MARCHF3: variants seen among roughly 807,000 people sequenced by gnomAD.
The protein encoded by MARCHF3 is E3 ubiquitin-protein ligase MARCHF3.
A neutral mutation model predicts 24.2 loss-of-function variants in MARCHF3; 13 were observed. The ratio of observed to expected loss-of-function variants is 0.54; its 90% CI spans 0.35 to 0.85. The LOEUF (loss-of-function observed/expected upper bound fraction) is 0.85, where lower values mean the gene tolerates loss of function less well. Ranked by LOEUF, MARCHF3 falls within the 40% of genes least tolerant of loss-of-function variation. The probability of loss-of-function intolerance (pLI) is 0.01; values close to 1 mark genes in which losing one functional copy is unlikely to be tolerated. For missense variants in MARCHF3, 276 were observed against 325.0 expected (o/e 0.85, Z 1.16); for synonymous variants, 144 against 137.3 (o/e 1.05, Z -0.34).
Position 126,917,977 on chromosome 5 carries a change from GTACT to G in MARCHF3, c.188+3_188+6del. 1 of 1,611,446 alleles carries G rather than the reference GTACT, an allele frequency of 6.2e-7. No homozygotes were observed. Among genetic ancestry groups the G allele is most frequent in the South Asian group, 1.1e-5 (1 of 90,674 alleles). ...TACAGATTCATTTATTTTAATTGTG[GTACT>G]ACCTCTGGGTGGCAAGAGTCCGCAC... On this transcript the variant is annotated splice_donor_5th_base_variant and intron_variant, in intron 2 of 4. Coordinates refer to ENST00000308660, the MANE Select transcript of MARCHF3 (RefSeq NM_178450.5).
rs181495350 is a variant in MARCHF3, at chr5:126,996,370, G to A, written c.-57+33980C>T. Among the ~76,000 whole-genome samples, 55 of 152,298 alleles carry A rather than the reference G, an allele frequency of 3.6e-4. 1 individual carries two copies. The highest frequency in any genetic ancestry group is 1.3e-3 in the African/African-American group (55 of 41,556). The stretch of plus-strand genomic sequence containing the variant: ...AAAAATGTTAGTAGATAGTGGGCAA[G>A]AGATCCAGATGCAAATAGGTTGGTG... On this transcript the variant is annotated intron_variant, in intron 1 of 4. Transcript: ENST00000308660.
At chr5:126,871,112 G>A (rs974484378) in intron 4 of MARCHF3, among the ~76,000 whole-genome samples, 3 of 152,182 alleles carry the variant, frequency 2.0e-5, no homozygotes, top group African/African-American at 7.2e-5. Flanking sequence ...GACTAGTGGT[G>A]GATACAATGC....
intron 3 of MARCHF3, among the ~76,000 whole-genome samples, chr5:126,878,973 T>C (rs1337579052): frequency 6.6e-6 from 1 of 152,228 alleles, no homozygotes; most frequent in Non-Finnish European, 1.5e-5. Context: ...GCCAACAATG[T>C]GATTTATGGT....
At chr5:126,914,270 A>T (rs1402247321) in intron 3 of MARCHF3, among the ~76,000 whole-genome samples, 1 of 152,130 alleles carries the variant, frequency 6.6e-6, no homozygotes, top group Non-Finnish European at 1.5e-5. Context: ...GACATGAGCC[A>T]CCGCGCCCAG....
At chr5:126,954,199 A>ATTTTTTTTTTTT (rs750262766) in intron 1 of MARCHF3, among the ~76,000 whole-genome samples, 7 of 114,082 alleles carry the variant, frequency 6.1e-5, no homozygotes, top group Non-Finnish European at 8.7e-5. Context: ...CGCCCGGCTA[A>ATTTTTTTTTTTT]TTTTTTTTTT....
intron 1 of MARCHF3, among the ~76,000 whole-genome samples, chr5:127,027,814 T>C (rs771635806): frequency 6.6e-6 from 1 of 152,248 alleles, no homozygotes; most frequent in Admixed American, 6.5e-5. Context: ...TTCTTTTATG[T>C]CATTAACACA....
At chr5:127,027,585 C>A (rs537695624) in intron 1 of MARCHF3, among the ~76,000 whole-genome samples, 187 of 152,262 alleles carry the variant, frequency 1.2e-3, no homozygotes, top group African/African-American at 4.1e-3. Context: ...GTCTTAAATT[C>A]ATCAGGTCTT....
intron 1 of MARCHF3, among the ~76,000 whole-genome samples, chr5:126,996,134 C>T (rs914679608): frequency 2.0e-5 from 3 of 152,162 alleles, no homozygotes; most frequent in African/African-American, 7.2e-5. Flanking sequence ...ATTTCAATGT[C>T]TTCAGGCCTC....
intron 1 of MARCHF3, among the ~76,000 whole-genome samples, chr5:126,934,172 C>CTTAT (rs1249514386): frequency 9.9e-5 from 15 of 152,268 alleles, no homozygotes; most frequent in African/African-American, 3.1e-4. Context: ...CTACTTTCTT[C>CTTAT]TTATTTATTT....
chr5:126,968,538 G>T (rs1175519845), intron 1 of MARCHF3, among the ~76,000 whole-genome samples: 2 of 152,102 alleles, frequency 1.3e-5, no homozygotes, highest in Non-Finnish European at 2.9e-5. Flanking sequence ...ACCTTCTTTG[G>T]AGAAATGCCT....
At chr5:126,983,842 T>C (rs1751475126) in intron 1 of MARCHF3, among the ~76,000 whole-genome samples, 1 of 152,226 alleles carries the variant, frequency 6.6e-6, no homozygotes, top group East Asian at 1.9e-4. Flanking sequence ...TCTGTGTTCC[T>C]CTATCTTTTT....
chr5:126,965,623 GAGA>G (rs1470622002), intron 1 of MARCHF3, among the ~76,000 whole-genome samples: 3 of 152,140 alleles, frequency 2.0e-5, no homozygotes, highest in African/African-American at 4.8e-5. Flanking sequence ...AAACATATGG[GAGA>G]AGGTTTACCT....
intron 1 of MARCHF3, among the ~76,000 whole-genome samples, chr5:126,992,085 CG>C (rs1193414926): frequency 6.6e-6 from 1 of 152,124 alleles, no homozygotes; most frequent in African/African-American, 2.4e-5. Context: ...AGTGAACAGT[CG>C]CCCCAGGATA....
chr5:126,953,599 T>A (rs948415214), intron 1 of MARCHF3, among the ~76,000 whole-genome samples: 1 of 152,248 alleles, frequency 6.6e-6, no homozygotes, highest in Non-Finnish European at 1.5e-5. Flanking sequence ...CATATTGCTA[T>A]ACAATATGGA....
At chr5:126,901,770 A>G (rs1354221919) in intron 3 of MARCHF3, among the ~76,000 whole-genome samples, 2 of 152,076 alleles carry the variant, frequency 1.3e-5, no homozygotes, top group African/African-American at 2.4e-5. Flanking sequence ...CTTCAGCTCA[A>G]CCAGGTGCCT....
At chr5:126,986,462 C>T (rs1313727596) in intron 1 of MARCHF3, among the ~76,000 whole-genome samples, 1 of 152,052 alleles carries the variant, frequency 6.6e-6, no homozygotes, top group African/African-American at 2.4e-5. Flanking sequence ...CTTTAAAAAT[C>T]GTAGTTTATT....
At chr5:126,925,405 T>C (rs1235312604) in intron 1 of MARCHF3, among the ~76,000 whole-genome samples, 1 of 152,224 alleles carries the variant, frequency 6.6e-6, no homozygotes, top group Non-Finnish European at 1.5e-5. Flanking sequence ...ATCTTTTTTT[T>C]TTATTTAAAA....
chr5:126,909,220 C>G (rs1754417810), intron 3 of MARCHF3, among the ~76,000 whole-genome samples: 1 of 152,220 alleles, frequency 6.6e-6, no homozygotes, highest in South Asian at 2.1e-4. Flanking sequence ...CTGCTCTTTT[C>G]AAAGCTGTCA....
chr5:127,013,795 T>C (rs1024061647), intron 1 of MARCHF3, among the ~76,000 whole-genome samples: 8 of 152,084 alleles, frequency 5.3e-5, no homozygotes, highest in African/African-American at 9.6e-5. Flanking sequence ...AGAACATCCA[T>C]TGGGGAAAAA....
Sources: gnomAD v4.1 joint callset for allele counts (sites outside exome capture counted in the v4.1 genomes callset) on GRCh38, gnomAD v4.1.1 for gene constraint, MANE v1.5 for transcripts, NCBI Gene and HGNC (gene_info 2026-07-23, HGNC 2026-07-21) for gene names.